The following ANO3 variants were observed in gnomAD, a reference collection of about 807,000 sequenced individuals.
ANO3 encodes anoctamin 3, also known as anoctamin-3.
A neutral mutation model predicts 144.8 loss-of-function variants in ANO3; 99 were observed. The ratio of observed to expected loss-of-function variants is 0.68; its 90% CI spans 0.58 to 0.81. ANO3 has a LOEUF of 0.81. Ranked by LOEUF, ANO3 falls within the 30% of genes least tolerant of loss-of-function variation. The pLI is 0.00. For synonymous variants in ANO3, 414 were observed against 392.6 expected (o/e 1.05, Z -0.64); for missense variants, 905 against 1,202.2 (o/e 0.75, Z 3.66).
At chr11:26,456,436 AAAG>A (rs956890562) in intron 3 of ANO3, among the ~76,000 whole-genome samples, 12 of 152,022 alleles carry the variant, frequency 7.9e-5, no homozygotes, top group African/African-American at 2.9e-4. Flanking sequence ...ACACTTCTCA[AAAG>A]AAGACATTTA....
chr11:26,437,035 C>T (rs1858320951), intron 1 of ANO3, among the ~76,000 whole-genome samples: 1 of 152,200 alleles, frequency 6.6e-6, no homozygotes, highest in African/African-American at 2.4e-5. Context: ...GCCTACCCCT[C>T]CCTCTGGGAG....
At chr11:26,363,952 G>A (rs1023325346) in intron 1 of ANO3, among the ~76,000 whole-genome samples, 1 of 152,070 alleles carries the variant, frequency 6.6e-6, no homozygotes, top group Non-Finnish European at 1.5e-5. Context: ...GTGCCTACTT[G>A]GTCCATTAAG....
chr11:26,329,812 A>AT (rs34683057), upstream of ANO3, among the ~76,000 whole-genome samples: 4,998 of 139,428 alleles, frequency 0.036, 263 homozygotes, highest in African/African-American at 0.11. Flanking sequence ...AGGGACTTAA[A>AT]TTTTTTTTTT....
At position 26,572,197 on chromosome 11, in the gene ANO3, G is replaced by C. The variant is rs1013102710; in HGVS notation, c.1447+12418G>C. On this transcript the variant is annotated intron_variant, in intron 14 of 26. Transcript: ENST00000256737. Reference sequence around the variant, plus strand: ...AGGGAAACAAAATTAGGTGGGGCTGGCTGTATCTTGCTTGTGTAACAGAGC... The same window carrying C: ...AGGGAAACAAAATTAGGTGGGGCTGCCTGTATCTTGCTTGTGTAACAGAGC... 1.4e-5 allele frequency: 14 copies of C among 985,328 alleles called. No homozygotes were observed. The African/African-American group carries it at 2.3e-4, about 16-fold the overall frequency. 61.0% of individuals were successfully genotyped at this position (985,328 alleles called of 1,614,324 possible). A position where few individuals can be genotyped will look rare whatever the true frequency, so the allele number is the denominator to read the frequency against.
chr11:26,535,297 T>A (rs540313764), intron 9 of ANO3, among the ~76,000 whole-genome samples: 1 of 152,344 alleles, frequency 6.6e-6, no homozygotes, highest in South Asian at 2.1e-4. Flanking sequence ...CTACAACATG[T>A]ATAATACAAA....
intron 17 of ANO3, among the ~76,000 whole-genome samples, chr11:26,614,378 C>A (rs1294578214): frequency 4.6e-5 from 7 of 152,166 alleles, no homozygotes; most frequent in Non-Finnish European, 8.8e-5. Flanking sequence ...GTCCTTCGAT[C>A]TGGCCTATGT....
chr11:26,633,985 G>A (rs1852867597), intron 18 of ANO3, among the ~76,000 whole-genome samples: 1 of 149,318 alleles, frequency 6.7e-6, no homozygotes, highest in South Asian at 2.1e-4. Flanking sequence ...GGCTGAGCCA[G>A]AAGAATTGCT....
intron 1 of ANO3, among the ~76,000 whole-genome samples, chr11:26,312,362 T>G (rs898104424): frequency 6.6e-6 from 1 of 152,240 alleles, no homozygotes; most frequent in Non-Finnish European, 1.5e-5. Context: ...ATATACCCAG[T>G]AATGGGATGG....
chr11:26,410,764 G>A (rs566242104), intron 1 of ANO3, among the ~76,000 whole-genome samples: 3 of 152,114 alleles, frequency 2.0e-5, no homozygotes, highest in Non-Finnish European at 4.4e-5. Context: ...AGCTGGAACT[G>A]TCTGAATGTA....
chr11:26,619,219 C>T (rs952121439), intron 17 of ANO3, among the ~76,000 whole-genome samples: 1 of 152,028 alleles, frequency 6.6e-6, no homozygotes, highest in African/African-American at 2.4e-5. Flanking sequence ...TTCAAGTTTG[C>T]AGCACTTATT....
At chr11:26,219,456 T>C (rs533799294) in intron 1 of ANO3, among the ~76,000 whole-genome samples, 1 of 152,290 alleles carries the variant, frequency 6.6e-6, no homozygotes, top group Admixed American at 6.5e-5. Flanking sequence ...CATATCTTGT[T>C]TTCATTATGG....
At chr11:26,255,872 G>A (rs549970271) in intron 1 of ANO3, among the ~76,000 whole-genome samples, 2 of 152,234 alleles carry the variant, frequency 1.3e-5, no homozygotes, top group African/African-American at 4.8e-5. Context: ...ATGCTAGAGG[G>A]AATCCTCATC....
At chr11:26,593,411 T>C (rs907385775) in intron 14 of ANO3, among the ~76,000 whole-genome samples, 17 of 152,158 alleles carry the variant, frequency 1.1e-4, no homozygotes, top group Admixed American at 1.1e-3. Flanking sequence ...TGATTGCCTG[T>C]CCTAGGACCC....
chr11:26,352,872 G>A (rs1855683138), intron 1 of ANO3, among the ~76,000 whole-genome samples: 1 of 152,118 alleles, frequency 6.6e-6, no homozygotes, highest in African/African-American at 2.4e-5. Flanking sequence ...ACATTTGTCA[G>A]TCCAAGAAGT....
intron 1 of ANO3, among the ~76,000 whole-genome samples, chr11:26,276,535 G>A (rs1853563599): frequency 6.6e-6 from 1 of 152,054 alleles, no homozygotes; most frequent in Non-Finnish European, 1.5e-5. Context: ...ATAGGGATCC[G>A]TTTCTAAACA....
In ANO3 at chr11:26,660,570, A is replaced by C; in HGVS notation, c.*126A>C. On this transcript the variant is annotated 3_prime_UTR_variant, in exon 27 of 27. Coordinates refer to ENST00000256737, the MANE Select transcript of ANO3 (RefSeq NM_031418.4). Reference sequence around the variant, plus strand: ...CCACATGTATAATATGCTACTTGGAAATGTATCACAGCCATCTCTGGGATT... The same window carrying C: ...CCACATGTATAATATGCTACTTGGACATGTATCACAGCCATCTCTGGGATT... The C allele has an allele frequency of 3.9e-6, 3 of 769,902 alleles. No homozygotes were observed. Among genetic ancestry groups the C allele is most frequent in the Non-Finnish European group, 6.0e-6 (3 of 497,432 alleles). The allele number at this position is 769,902 out of a possible 1,614,324, so 47.7% of individuals were successfully genotyped here.
chr11:26,275,441 G>A (rs1853536379), intron 1 of ANO3, among the ~76,000 whole-genome samples: 1 of 152,028 alleles, frequency 6.6e-6, no homozygotes, highest in African/African-American at 2.4e-5. Flanking sequence ...CTGTTTGGTA[G>A]CCATGAGGTG....
At position 26,442,231 on chromosome 11, in the gene ANO3, C is replaced by T. The variant is rs980284889; in HGVS notation, c.241+119C>T. 11 of 987,096 alleles carry T rather than the reference C, an allele frequency of 1.1e-5. No homozygotes were observed. In the African/African-American group the frequency reaches 1.5e-4, roughly 13 times the overall value. The allele number at this position is 987,096 out of a possible 1,614,324, so 61.1% of individuals were successfully genotyped here. A position where few individuals can be genotyped will look rare whatever the true frequency, so the allele number is the denominator to read the frequency against. On this transcript the variant is annotated intron_variant, in intron 2 of 26. Coordinates refer to ENST00000256737, the MANE Select transcript of ANO3 (RefSeq NM_031418.4). ...TAGAGCTCTTCAGGAAGGAGGCTGGCATAGAAAGGAGACCAGTACACCATG... is the reference window on the plus strand; with the variant it reads ...TAGAGCTCTTCAGGAAGGAGGCTGGTATAGAAAGGAGACCAGTACACCATG...
chr11:26,459,669 T>A (rs1200490425), intron 3 of ANO3, among the ~76,000 whole-genome samples: 2 of 151,504 alleles, frequency 1.3e-5, no homozygotes, highest in Non-Finnish European at 2.9e-5. Context: ...GGGGAACAAA[T>A]AATGAAAAAG....
Sources: gnomAD v4.1 joint callset for allele counts (sites outside exome capture counted in the v4.1 genomes callset) on GRCh38, gnomAD v4.1.1 for gene constraint, MANE v1.5 for transcripts, NCBI Gene and HGNC (gene_info 2026-07-23, HGNC 2026-07-21) for gene names.